The following IGF2BP2 variants were observed in gnomAD, a reference collection of about 807,000 sequenced individuals.
IGF2BP2 encodes insulin like growth factor 2 mRNA binding protein 2, also known as insulin-like growth factor 2 mRNA-binding protein 2.
IGF2BP2 carries 17 observed loss-of-function variants against 75.8 expected under a neutral mutation model. The ratio of observed to expected loss-of-function variants is 0.22; its 90% CI spans 0.15 to 0.34. The LOEUF is 0.34. Among genes scored for constraint, IGF2BP2 ranks in the 10% least tolerant of loss-of-function variants. The pLI is 1.00. For missense variants in IGF2BP2, 516 were observed against 772.4 expected, an observed-to-expected ratio of 0.67 and a Z score of 3.93; for synonymous variants, 288 against 295.6, an observed-to-expected ratio of 0.97 and a Z score of 0.26.
At chr3:185,706,928 G>C (rs1471246544) in intron 2 of IGF2BP2, among the ~76,000 whole-genome samples, 1 of 151,896 alleles carries the variant, frequency 6.6e-6, no homozygotes, top group African/African-American at 2.4e-5. Flanking sequence ...TTTTATTAGA[G>C]ACAGGGTTTC....
At chr3:185,779,088 T>A (rs1734884912) in intron 2 of IGF2BP2, among the ~76,000 whole-genome samples, 1 of 152,030 alleles carries the variant, frequency 6.6e-6, no homozygotes, top group African/African-American at 2.4e-5. Flanking sequence ...AGCTTTTTTT[T>A]TTTTTGCAGT....
At chr3:185,692,491 T>A (rs1207975399) in intron 5 of IGF2BP2, among the ~76,000 whole-genome samples, 1 of 152,178 alleles carries the variant, frequency 6.6e-6, no homozygotes, top group Non-Finnish European at 1.5e-5. Context: ...TCCACTGACA[T>A]GTCAAAGATG....
At chr3:185,795,488 G>A (rs975894001) in intron 2 of IGF2BP2, among the ~76,000 whole-genome samples, 2 of 152,174 alleles carry the variant, frequency 1.3e-5, no homozygotes, top group Non-Finnish European at 1.5e-5. Flanking sequence ...GCACACACCT[G>A]GCAGTGAAAT....
intron 2 of IGF2BP2, among the ~76,000 whole-genome samples, chr3:185,765,137 C>T (rs979123309): frequency 2.0e-5 from 3 of 152,142 alleles, no homozygotes; most frequent in African/African-American, 7.2e-5. Context: ...GTGATGGCCT[C>T]AAAATAGAAA....
intron 13 of IGF2BP2, among the ~76,000 whole-genome samples, chr3:185,650,318 C>CA (rs1560224084): frequency 6.7e-6 from 1 of 149,686 alleles, no homozygotes; most frequent in Non-Finnish European, 1.5e-5. Context: ...TTACAATGTT[C>CA]TTTTTTTTTC....
At chr3:185,786,745 C>T (rs1735947469) in intron 2 of IGF2BP2, among the ~76,000 whole-genome samples, 1 of 152,132 alleles carries the variant, frequency 6.6e-6, no homozygotes, top group Admixed American at 6.5e-5. Context: ...ACAGAACCCT[C>T]TTAAGATACG....
At chr3:185,804,339 G>A (rs1738696522) in intron 2 of IGF2BP2, among the ~76,000 whole-genome samples, 1 of 151,522 alleles carries the variant, frequency 6.6e-6, no homozygotes, top group Admixed American at 6.6e-5. Flanking sequence ...GGCTGAGGCA[G>A]GAGAATTGCT....
intron 2 of IGF2BP2, among the ~76,000 whole-genome samples, chr3:185,721,281 C>T (rs1726495781): frequency 6.6e-6 from 1 of 152,068 alleles, no homozygotes; most frequent in Non-Finnish European, 1.5e-5. Flanking sequence ...GCAATCTCAG[C>T]TCACTGCAAC....
intron 2 of IGF2BP2, among the ~76,000 whole-genome samples, chr3:185,819,848 G>GTT (rs113851927): frequency 1.3e-5 from 2 of 151,650 alleles, no homozygotes; most frequent in South Asian, 2.1e-4. Context: ...GAGATTGGAT[G>GTT]TTTTTTTCTT....
rs1332549594 is a variant in IGF2BP2, at chr3:185,658,334, C to A, written c.1269+7G>T. 1.2e-6 allele frequency: 2 copies of A among 1,612,722 alleles called. No homozygotes were observed. Among genetic ancestry groups the A allele is most frequent in the Admixed American group, 3.3e-5 (2 of 59,976 alleles). ...GGCAGGTGCGGCTGAACTGAGGGGGCACTTACAGAGTGATGATGCGGGAAC... is the reference window on the plus strand; with the variant it reads ...GGCAGGTGCGGCTGAACTGAGGGGGAACTTACAGAGTGATGATGCGGGAAC... On this transcript the variant is annotated splice_region_variant and intron_variant, in intron 11 of 15. Coordinates refer to ENST00000382199, the MANE Select transcript of IGF2BP2 (RefSeq NM_006548.6).
intron 2 of IGF2BP2, among the ~76,000 whole-genome samples, chr3:185,734,639 G>C (rs1728618524): frequency 6.6e-6 from 1 of 152,182 alleles, no homozygotes; most frequent in Non-Finnish European, 1.5e-5. Context: ...GCTGAAACTT[G>C]TCTACAGTAT....
intron 2 of IGF2BP2, chr3:185,728,637 G>T (rs1727697906): frequency 6.6e-6 from 1 of 152,106 alleles, no homozygotes; most frequent in Non-Finnish European, 1.5e-5. Context: ...TTTAACTATT[G>T]AACAGATTTG....
chr3:185,671,767 C>T (rs575198272), intron 10 of IGF2BP2, among the ~76,000 whole-genome samples: 12 of 152,188 alleles, frequency 7.9e-5, no homozygotes, highest in Admixed American at 5.2e-4. Flanking sequence ...CTCAAAAGAA[C>T]AGAATGGCTG....
intron 7 of IGF2BP2, among the ~76,000 whole-genome samples, chr3:185,677,009 TTATATATATGGAGAGAGATATA>T (rs1166470490): frequency 2.9e-5 from 3 of 103,056 alleles, no homozygotes; most frequent in African/African-American, 1.1e-4. Flanking sequence ...TATGGAGAGA[TTATATATATGGAGAGAGATATA>T]TATATATATG....
At chr3:185,680,963 G>A (rs999198749) in intron 7 of IGF2BP2, among the ~76,000 whole-genome samples, 1 of 152,120 alleles carries the variant, frequency 6.6e-6, no homozygotes, top group African/African-American at 2.4e-5. Context: ...TTTATGAAAA[G>A]CCCACAGCTA....
chr3:185,789,087 C>T (rs916782620), intron 2 of IGF2BP2, among the ~76,000 whole-genome samples: 16 of 151,806 alleles, frequency 1.1e-4, no homozygotes, highest in South Asian at 2.1e-4. Context: ...CAGGCCACTG[C>T]GAATATTCGA....
At chr3:185,798,074 A>G (rs1300819413) in intron 2 of IGF2BP2, among the ~76,000 whole-genome samples, 2 of 151,910 alleles carry the variant, frequency 1.3e-5, no homozygotes, top group African/African-American at 4.8e-5. Flanking sequence ...GGTGGTGCCC[A>G]CCTGTAATCC....
intron 2 of IGF2BP2, among the ~76,000 whole-genome samples, chr3:185,765,595 G>C (rs1038495695): frequency 6.6e-6 from 1 of 152,154 alleles, no homozygotes; most frequent in Admixed American, 6.5e-5. Context: ...AGGGAAAAGA[G>C]GAGAATTGAG....
At chr3:185,822,781 T>C (rs1741525320) in intron 2 of IGF2BP2, among the ~76,000 whole-genome samples, 1 of 151,836 alleles carries the variant, frequency 6.6e-6, no homozygotes, top group South Asian at 2.1e-4. Flanking sequence ...ACATAGTAAA[T>C]ATTTACTCTT....
Sources: allele counts gnomAD v4.1 joint callset (sites outside exome capture counted in the v4.1 genomes callset), GRCh38; gene constraint gnomAD v4.1.1; transcripts MANE v1.5; gene names NCBI Gene and HGNC (gene_info 2026-07-23, HGNC 2026-07-21).